The following HADH variants were observed in gnomAD, a reference collection of about 807,000 sequenced individuals.
The protein encoded by HADH is hydroxyacyl-CoA dehydrogenase, also known as hydroxyacyl-coenzyme A dehydrogenase, mitochondrial.
A neutral mutation model predicts 32.2 loss-of-function variants in HADH; 24 were observed. The observed-to-expected ratio is 0.75, with a 90% confidence interval of 0.54 to 1.05. The LOEUF is 1.05. HADH is among the 50% of genes least tolerant of loss of function. HADH has a pLI of 0.00. For synonymous variants in HADH, 139 were observed against 152.5 expected (o/e 0.91, Z 0.65); for missense variants, 350 against 397.1 (o/e 0.88, Z 1.01).
At chr4:108,006,931 C>A (rs910293342) in intron 1 of HADH, among the ~76,000 whole-genome samples, 5 of 152,194 alleles carry the variant, frequency 3.3e-5, no homozygotes, top group African/African-American at 1.2e-4. Flanking sequence ...TTTAACCTCT[C>A]TAAGCCTCAG....
At chr4:107,995,015 T>C (rs1273123620) in intron 1 of HADH, among the ~76,000 whole-genome samples, 19 of 152,182 alleles carry the variant, frequency 1.2e-4, no homozygotes, top group Admixed American at 1.2e-3. Context: ...CTTTAATCAC[T>C]TGCCCCTTGC....
intron 6 of HADH, 98 bp downstream of exon 6, chr4:108,027,858 TG>T: frequency 3.9e-6 from 3 of 777,908 alleles, no homozygotes; most frequent in Non-Finnish European, 4.6e-6. Flanking sequence ...CCGTGCACAA[TG>T]GAGGAAGCAG....
Sources: gnomAD v4.1 joint callset for allele counts (sites outside exome capture counted in the v4.1 genomes callset) on GRCh38, gnomAD v4.1.1 for gene constraint, MANE v1.5 for transcripts, NCBI Gene and HGNC (gene_info 2026-07-23, HGNC 2026-07-21) for gene names.